The following DOCK7 variants were observed in gnomAD, a reference collection of about 807,000 sequenced individuals.
DOCK7 encodes dedicator of cytokinesis 7, also known as dedicator of cytokinesis protein 7.
DOCK7 carries 138 observed loss-of-function variants against 271.0 expected under a neutral mutation model. The observed-to-expected ratio is 0.51, with a 90% CI of 0.44 to 0.59. The LOEUF is 0.59. Ranked by LOEUF, DOCK7 falls within the 20% of genes least tolerant of loss-of-function variation. The probability of loss-of-function intolerance (pLI) is 0.00; values close to 1 mark genes in which losing one functional copy is unlikely to be tolerated. For synonymous variants in DOCK7, 823 were observed against 876.1 expected, an observed-to-expected ratio of 0.94 and a Z score of 1.07; for missense variants, 2,066 against 2,592.4, an observed-to-expected ratio of 0.80 and a Z score of 4.41.
chr1:62,663,079 A>T lies in DOCK7; in HGVS notation c.90T>A (p.Ser30=), dbSNP rs148653967. 1.2e-5 allele frequency: 20 copies of T among 1,614,000 alleles called. No homozygotes were observed. The highest frequency in any genetic ancestry group is 1.4e-5 in the Non-Finnish European group (17 of 1,179,936). The change falls in exon 2 of 50, where the codon TCT becomes TCA. Residue 30 remains serine (S), a synonymous_variant. Coordinates refer to ENST00000635253, the MANE Select transcript of DOCK7 (RefSeq NM_001367561.1). ...TATTAAGGTTTTTGAGCAGTTGGGG[A>T]GAACCACTATATTGTCCGGAGATCT... is the stretch of plus-strand genomic sequence containing the variant. The part of the protein sequence containing the change: ...RKQISGQYSG[S]PQLLKNLNIV...
At chr1:62,620,397 T>TA (rs1183327671) in intron 12 of DOCK7, among the ~76,000 whole-genome samples, 1 of 151,832 alleles carries the variant, frequency 6.6e-6, no homozygotes, top group East Asian at 1.9e-4. Context: ...AGCATGCCCT[T>TA]ATGCCTACAA....
At chr1:62,550,719 ATT>A (rs11343278) in intron 22 of DOCK7, among the ~76,000 whole-genome samples, 92 of 143,206 alleles carry the variant, frequency 6.4e-4, no homozygotes, top group Middle Eastern at 3.6e-3. Context: ...AATGGGAGTA[ATT>A]TTTTTTTTTT....
intron 14 of DOCK7, chr1:62,604,439 A>AT: frequency 1.1e-6 from 1 of 890,620 alleles, no homozygotes; most frequent in South Asian, 1.8e-5. Context: ...CAGATTTTCT[A>AT]TTTTTTGGTA....
At chr1:62,543,771 C>G in intron 23 of DOCK7, 26 bp from the exon 24 acceptor site, 1 of 1,529,222 alleles carries the variant, frequency 6.5e-7, no homozygotes, top group Non-Finnish European at 9.0e-7. Flanking sequence ...GAATGAATGA[C>G]GAGATAACAT....
chr1:62,643,072 G>C (rs1409484944), intron 7 of DOCK7, among the ~76,000 whole-genome samples: 1 of 152,098 alleles, frequency 6.6e-6, no homozygotes, highest in South Asian at 2.1e-4. Flanking sequence ...ACCACTACAT[G>C]AACAAGCCCA....
At chr1:62,474,440 T>C (rs1415974746) in intron 47 of DOCK7, among the ~76,000 whole-genome samples, 3 of 152,248 alleles carry the variant, frequency 2.0e-5, no homozygotes, top group Non-Finnish European at 4.4e-5. Context: ...ATCCGCTGAT[T>C]ATCAGAGTTG....
At chr1:62,483,214 G>GTTTTTTTTTTTTTTTTTTTTTT (rs1477266538) in intron 43 of DOCK7, 1 of 48,528 alleles carries the variant, frequency 2.1e-5, no homozygotes. Context: ...TTTTTTTTGG[G>GTTTTTTTTTTTTTTTTTTTTTT]TAGAGATGAG....
intron 16 of DOCK7, among the ~76,000 whole-genome samples, chr1:62,581,160 G>A (rs140707281): frequency 9.9e-4 from 151 of 152,244 alleles, no homozygotes; most frequent in African/African-American, 3.1e-3. Context: ...TCAAGTTTGA[G>A]ATCAGGGAAT....
At chr1:62,463,145 A>G (rs929059442) in intron 48 of DOCK7, among the ~76,000 whole-genome samples, 4 of 152,182 alleles carry the variant, frequency 2.6e-5, no homozygotes, top group African/African-American at 9.7e-5. Context: ...GGAAAATGAT[A>G]AAAGACTTGA....
intron 39 of DOCK7, 141 bp from the exon 40 acceptor site, chr1:62,494,608 C>T (rs373773922): frequency 1.8e-5 from 10 of 568,560 alleles, no homozygotes; most frequent in African/African-American, 7.7e-5. Flanking sequence ...ATGAAAATGT[C>T]GCTATGCAGG....
chr1:62,476,308 A>T lies in DOCK7; in HGVS notation c.5635-152T>A, dbSNP rs1439282703. The T allele has an allele frequency of 1.8e-5, 10 of 551,486 alleles. No homozygotes were observed. The South Asian group carries it at 2.8e-4, about 16-fold the overall frequency. The allele number at this position is 551,486 out of a possible 1,614,324, so 34.2% of individuals were successfully genotyped here. Reference sequence around the variant, plus strand: ...AAAGTAATGATTTAGGCTTACAAAAATTATACTAGCTTATAAATTAGCATG... The same window carrying T: ...AAAGTAATGATTTAGGCTTACAAAATTTATACTAGCTTATAAATTAGCATG... On this transcript the variant is annotated intron_variant, in intron 44 of 49. Coordinates refer to ENST00000635253, the MANE Select transcript of DOCK7 (RefSeq NM_001367561.1).
intron 1 of DOCK7, among the ~76,000 whole-genome samples, chr1:62,667,488 T>C (rs1464473945): frequency 1.3e-5 from 2 of 152,186 alleles, no homozygotes; most frequent in African/African-American, 2.4e-5. Flanking sequence ...TGATGGGTTG[T>C]ATCAGAGTGT....
intron 2 of DOCK7, among the ~76,000 whole-genome samples, chr1:62,661,295 T>C (rs1658634408): frequency 6.6e-6 from 1 of 152,104 alleles, no homozygotes. Flanking sequence ...GAAGTTATTG[T>C]TTAATGGGTA....
At chr1:62,471,593 G>A (rs2149251967) in intron 48 of DOCK7, among the ~76,000 whole-genome samples, 1 of 152,312 alleles carries the variant, frequency 6.6e-6, no homozygotes, top group South Asian at 2.1e-4. Flanking sequence ...GTTTGAGGCT[G>A]CAGTGAGTTG....
chr1:62,563,456 G>T (rs75436939), intron 18 of DOCK7, among the ~76,000 whole-genome samples: 1,742 of 151,894 alleles, frequency 0.011, 44 homozygotes, highest in African/African-American at 0.04. Context: ...TTTAAAGCAG[G>T]TATCATTAAA....
chr1:62,617,791 G>C (rs1224473324), intron 14 of DOCK7, among the ~76,000 whole-genome samples: 3 of 151,560 alleles, frequency 2.0e-5, no homozygotes, highest in Admixed American at 6.6e-5. Flanking sequence ...TTATATTTCT[G>C]TTTCACAGTG....
At chr1:62,579,929 A>C (rs1208449848) in intron 16 of DOCK7, among the ~76,000 whole-genome samples, 1 of 152,116 alleles carries the variant, frequency 6.6e-6, no homozygotes, top group Non-Finnish European at 1.5e-5. Context: ...TTGTTTGACC[A>C]AACCAATGAC....
At chr1:62,494,695 C>T (rs1300279707) in intron 39 of DOCK7, 4 of 365,520 alleles carry the variant, frequency 1.1e-5, no homozygotes, top group African/African-American at 2.1e-5. Flanking sequence ...AAAAGAAATA[C>T]GCCATATTAA....
chr1:62,475,085 G>GA, intron 47 of DOCK7, 123 bp downstream of exon 47: 2 of 1,128,150 alleles, frequency 1.8e-6, no homozygotes, highest in East Asian at 2.8e-5. Flanking sequence ...CGCATAGGTA[G>GA]AAAAATACAG....
Sources: gnomAD v4.1 joint callset for allele counts (sites outside exome capture counted in the v4.1 genomes callset) on GRCh38, gnomAD v4.1.1 for gene constraint, MANE v1.5 for transcripts, NCBI Gene and HGNC (gene_info 2026-07-23, HGNC 2026-07-21) for gene names.